GAS2: variants seen among roughly 807,000 people sequenced by gnomAD.
The protein encoded by GAS2 is growth arrest-specific protein 2.
In GAS2, 20 loss-of-function variants were observed where a neutral mutation model predicts 37.5. The observed-to-expected ratio is 0.53, with a 90% CI of 0.37 to 0.77. The LOEUF (loss-of-function observed/expected upper bound fraction) is 0.77. Ranked by LOEUF, GAS2 falls within the 30% of genes least tolerant of loss-of-function variation. The pLI is 0.00. For synonymous variants in GAS2, 144 were observed against 132.2 expected (o/e 1.09, Z -0.61); for missense variants, 336 against 373.4 (o/e 0.90, Z 0.82).
intron 1 of GAS2, among the ~76,000 whole-genome samples, chr11:22,669,666 C>T (rs909241190): frequency 6.6e-6 from 1 of 152,058 alleles, no homozygotes; most frequent in African/African-American, 2.4e-5. Flanking sequence ...GCTACCAACC[C>T]CTTATTAATT....
chr11:22,736,085 C>T (rs1265008536), intron 4 of GAS2, among the ~76,000 whole-genome samples: 4 of 149,938 alleles, frequency 2.7e-5, no homozygotes, highest in African/African-American at 4.9e-5. Flanking sequence ...ATTTCTGTTT[C>T]GTAATATGTG....
At chr11:22,708,861 G>A (rs181781092) in intron 3 of GAS2, among the ~76,000 whole-genome samples, 1 of 152,300 alleles carries the variant, frequency 6.6e-6, no homozygotes, top group Admixed American at 6.5e-5. Context: ...GTAAACTGAA[G>A]TGTAAGGGGT....
chr11:22,685,316 T>A (rs1306928494), intron 2 of GAS2, among the ~76,000 whole-genome samples: 2 of 152,340 alleles, frequency 1.3e-5, no homozygotes, highest in East Asian at 3.9e-4. Flanking sequence ...GGAGGCCAAA[T>A]TGTGAAATCA....
At chr11:22,707,220 C>T (rs1021647592) in intron 3 of GAS2, among the ~76,000 whole-genome samples, 1 of 152,006 alleles carries the variant, frequency 6.6e-6, no homozygotes, top group Non-Finnish European at 1.5e-5. Context: ...AGTGGAAAGG[C>T]CACGGAAGAG....
chr11:22,746,466 C>T (rs1853408994), intron 5 of GAS2, among the ~76,000 whole-genome samples: 1 of 152,110 alleles, frequency 6.6e-6, no homozygotes, highest in Non-Finnish European at 1.5e-5. Flanking sequence ...ATCTAATTGC[C>T]CATCAATGGT....
intron 4 of GAS2, among the ~76,000 whole-genome samples, chr11:22,727,320 T>C (rs1437905958): frequency 2.0e-5 from 3 of 152,046 alleles, no homozygotes; most frequent in Non-Finnish European, 4.4e-5. Context: ...ATTTAATAGG[T>C]CATATAATAA....
At chr11:22,811,661 A>T in intron 7 of GAS2, 137 bp from the exon 8 acceptor site, 1 of 781,784 alleles carries the variant, frequency 1.3e-6, no homozygotes, top group Non-Finnish European at 2.1e-6. Flanking sequence ...ATGCTAACTC[A>T]GACATTTTGC....
chr11:22,726,209 C>G, intron 3 of GAS2, 83 bp from the exon 4 acceptor site: 1 of 1,385,612 alleles, frequency 7.2e-7, no homozygotes, highest in South Asian at 1.4e-5. Context: ...AATTCCGAAG[C>G]ATTTTGTTGA....
At chr11:22,765,171 ATGT>A (rs1372120396) in intron 7 of GAS2, among the ~76,000 whole-genome samples, 2 of 152,036 alleles carry the variant, frequency 1.3e-5, no homozygotes, top group African/African-American at 4.8e-5. Context: ...ATATCTAGTG[ATGT>A]TGTGTGTGTG....
chr11:22,732,624 A>T (rs1277837833), intron 4 of GAS2, among the ~76,000 whole-genome samples: 9 of 151,700 alleles, frequency 5.9e-5, no homozygotes, highest in African/African-American at 2.2e-4. Context: ...ACTCAGAGTG[A>T]CATGACACAG....
chr11:22,637,010 A>G (rs1204339848), intron 1 of GAS2, among the ~76,000 whole-genome samples: 2 of 137,702 alleles, frequency 1.5e-5, no homozygotes, highest in African/African-American at 2.7e-5. Context: ...AAATATTTAT[A>G]TTATTATATA....
rs1011971979 is a variant in GAS2, at chr11:22,678,160, G to A, written c.145+3146G>A. ...TAGACTTTAAGTCGTTACTCTCATG[G>A]CAACTTGAGAAGTCTACTAATAACT... On this transcript the variant is annotated intron_variant, in intron 2 of 7. Coordinates refer to ENST00000454584, the MANE Select transcript of GAS2 (RefSeq NM_001143830.3). Among the ~76,000 whole-genome samples, 29 of 152,166 alleles carry A rather than the reference G, an allele frequency of 1.9e-4. 1 individual carries two copies. The highest frequency in any genetic ancestry group is 6.0e-4 in the African/African-American group (25 of 41,520).
chr11:22,646,889 T>C (rs71490640), intron 1 of GAS2, among the ~76,000 whole-genome samples: 35,873 of 151,110 alleles, frequency 0.24, 5,572 homozygotes, highest in African/African-American at 0.43. Context: ...CTTTCTTTCT[T>C]TTTCTTTCTT....
chr11:22,709,437 G>T (rs2134071513), intron 3 of GAS2, among the ~76,000 whole-genome samples: 1 of 152,226 alleles, frequency 6.6e-6, no homozygotes, highest in African/African-American at 2.4e-5. Flanking sequence ...CTATTATCTA[G>T]GATTGGTATT....
chr11:22,673,897 G>C (rs1334180555), intron 1 of GAS2, among the ~76,000 whole-genome samples: 4 of 152,164 alleles, frequency 2.6e-5, no homozygotes, highest in African/African-American at 9.7e-5. Flanking sequence ...AGATATTTAA[G>C]TACTTCTACT....
intron 7 of GAS2, among the ~76,000 whole-genome samples, chr11:22,760,042 C>G (rs185378432): frequency 6.4e-4 from 98 of 152,314 alleles, no homozygotes; most frequent in Non-Finnish European, 1.2e-3. Context: ...ACTGCAACCT[C>G]CATCTCCCAG....
At chr11:22,662,422 C>G (rs546235612), upstream of GAS2, among the ~76,000 whole-genome samples, 14 of 152,248 alleles carry the variant, frequency 9.2e-5, no homozygotes, top group East Asian at 2.3e-3. Context: ...TTCTAAGACA[C>G]CAGCTTCTAA....
intron 7 of GAS2, among the ~76,000 whole-genome samples, chr11:22,765,760 T>A (rs12269991): frequency 6.6e-6 from 1 of 150,718 alleles, no homozygotes; most frequent in Non-Finnish European, 1.5e-5. Context: ...GCCTGGGTGA[T>A]AGAGTGAGAC....
chr11:22,645,845 C>T (rs1314741520), intron 1 of GAS2, among the ~76,000 whole-genome samples: 1 of 111,422 alleles, frequency 9.0e-6, no homozygotes, highest in Non-Finnish European at 1.9e-5. Flanking sequence ...CTTTTCTTTT[C>T]TTTTTTTTTT....
Sources: gnomAD v4.1 joint callset for allele counts (sites outside exome capture counted in the v4.1 genomes callset) on GRCh38, gnomAD v4.1.1 for gene constraint, MANE v1.5 for transcripts, NCBI Gene and HGNC (gene_info 2026-07-23, HGNC 2026-07-21) for gene names.